ECE1: variants seen among roughly 807,000 people sequenced by gnomAD.
ECE1 encodes the protein endothelin converting enzyme 1, also known as endothelin-converting enzyme 1.
ECE1 carries 35 observed loss-of-function variants against 98.6 expected under a neutral mutation model. The observed-to-expected ratio is 0.35, with a 90% confidence interval of 0.27 to 0.47. The LOEUF (loss-of-function observed/expected upper bound fraction) is 0.47, where lower values mean the gene tolerates loss of function less well. ECE1 is among the 20% of genes least tolerant of loss of function. The pLI, the probability that ECE1 is intolerant of heterozygous loss-of-function variation, is 1.00. For synonymous variants in ECE1, 394 were observed against 407.1 expected, an observed-to-expected ratio of 0.97 and a Z score of 0.39; for missense variants, 814 against 1,025.3, an observed-to-expected ratio of 0.79 and a Z score of 2.81.
chr1:21,277,988 G>A lies in ECE1; in HGVS notation c.280+1203C>T, dbSNP rs759535075. On this transcript the variant is annotated intron_variant, in intron 3 of 18. Coordinates refer to ENST00000374893, the MANE Select transcript of ECE1 (RefSeq NM_001397.3). The stretch of plus-strand genomic sequence containing the variant: ...AGTCCCCTCCCCACCCCAGCGCAGC[G>A]TGGCCACCCTCACAGACCAGCAACT... Among the ~76,000 whole-genome samples, 4 of 152,104 alleles carry A rather than the reference G, an allele frequency of 2.6e-5. 1 individual carries two copies. Among genetic ancestry groups the A allele is most frequent in the Non-Finnish European group, 5.9e-5 (4 of 68,014 alleles).
At chr1:21,255,286 G>A (rs1016556428) in intron 8 of ECE1, among the ~76,000 whole-genome samples, 1 of 152,220 alleles carries the variant, frequency 6.6e-6, no homozygotes, top group Non-Finnish European at 1.5e-5. Flanking sequence ...AAGATCGGTG[G>A]TGGCCATTCT....
At chr1:21,236,458 T>C (rs2098188219) in intron 12 of ECE1, among the ~76,000 whole-genome samples, 1 of 152,236 alleles carries the variant, frequency 6.6e-6, no homozygotes, top group Non-Finnish European at 1.5e-5. Context: ...GAGACCAACC[T>C]GACCCACATG....
At chr1:21,333,493 G>A (rs1298301837) in intron 1 of ECE1, among the ~76,000 whole-genome samples, 1 of 152,208 alleles carries the variant, frequency 6.6e-6, no homozygotes, top group African/African-American at 2.4e-5. Context: ...CATATGTGAG[G>A]GCCAGCACGC....
intron 2 of ECE1, among the ~76,000 whole-genome samples, chr1:21,285,009 T>C (rs2098259025): frequency 6.6e-6 from 1 of 152,128 alleles, no homozygotes; most frequent in Non-Finnish European, 1.5e-5. Flanking sequence ...AAAGTCAGTT[T>C]GGGGAAGTTT....
upstream of ECE1, among the ~76,000 whole-genome samples, chr1:21,290,784 G>A (rs1402655338): frequency 1.3e-5 from 2 of 152,196 alleles, no homozygotes; most frequent in African/African-American, 4.8e-5. This position sits in a 1 kb window ranked among gnomAD's most constrained non-coding sequence, Gnocchi z 7.3. Context: ...GGTTCCCCCC[G>A]GCATCAGCCC....
intron 10 of ECE1, among the ~76,000 whole-genome samples, chr1:21,244,020 T>C (rs370658088): frequency 2.0e-5 from 3 of 152,306 alleles, no homozygotes; most frequent in East Asian, 3.9e-4. Context: ...GCCCACATCC[T>C]GCCATTCTCT....
At chr1:21,259,947 G>T (rs1189778468) in intron 5 of ECE1, among the ~76,000 whole-genome samples, 7 of 152,116 alleles carry the variant, frequency 4.6e-5, no homozygotes, top group Non-Finnish European at 1.0e-4. Context: ...GCAACGTGGA[G>T]GAATATTTTC....
At chr1:21,276,680 CTTTCT>C (rs1275434305) in intron 3 of ECE1, among the ~76,000 whole-genome samples, 4 of 143,908 alleles carry the variant, frequency 2.8e-5, no homozygotes, top group South Asian at 2.2e-4. Flanking sequence ...ATCAGATTTG[CTTTCT>C]TTTTTTTTTT....
chr1:21,232,389 C>T, intron 14 of ECE1, among the ~76,000 whole-genome samples: 1 of 151,834 alleles, frequency 6.6e-6, no homozygotes, highest in East Asian at 1.9e-4. Context: ...GCTTCGACCT[C>T]CTGGGCTCTA....
At chr1:21,333,658 C>T (rs1296119021) in intron 1 of ECE1, among the ~76,000 whole-genome samples, 3 of 152,146 alleles carry the variant, frequency 2.0e-5, no homozygotes, top group Non-Finnish European at 4.4e-5. Context: ...CATGGTGAAA[C>T]CCCGTCTCTA....
At chr1:21,311,172 C>A (rs1638714905) in intron 1 of ECE1, among the ~76,000 whole-genome samples, 1 of 152,182 alleles carries the variant, frequency 6.6e-6, no homozygotes, top group South Asian at 2.1e-4. Context: ...CAGAGTGGGG[C>A]TCCCTGGCCA....
chr1:21,273,447 G>A (rs946328145), intron 3 of ECE1, among the ~76,000 whole-genome samples: 2 of 151,842 alleles, frequency 1.3e-5, no homozygotes, highest in Non-Finnish European at 2.9e-5. Flanking sequence ...CAATTCAGTT[G>A]GGGATATACA....
chr1:21,243,821 C>T (rs902255819), intron 10 of ECE1, among the ~76,000 whole-genome samples: 9 of 152,234 alleles, frequency 5.9e-5, no homozygotes, highest in South Asian at 2.1e-4. Flanking sequence ...CCACTGCTCC[C>T]GCTTTGTCCT....
intron 4 of ECE1, among the ~76,000 whole-genome samples, chr1:21,272,289 GCTC>G (rs1381266433): frequency 6.6e-6 from 1 of 152,080 alleles, no homozygotes; most frequent in Non-Finnish European, 1.5e-5. Context: ...ATTCTGCCAG[GCTC>G]CTCTTTTCTT....
intron 14 of ECE1, among the ~76,000 whole-genome samples, chr1:21,232,403 A>T (rs2098182966): frequency 6.6e-6 from 1 of 151,218 alleles, no homozygotes; most frequent in Non-Finnish European, 1.5e-5. Flanking sequence ...GGCTCTAGTG[A>T]TCCTCCCACC....
chr1:21,344,180 G>T (rs553009404), intron 1 of ECE1, among the ~76,000 whole-genome samples: 2 of 152,262 alleles, frequency 1.3e-5, no homozygotes, highest in East Asian at 3.9e-4. Flanking sequence ...AGATGGGGGG[G>T]CGGGTTGTAA....
Position 21,258,942 on chromosome 1 carries a change from G to T in ECE1, c.616-103C>A. ...CTTGCTCTGTGACCCTGGAGCAGTCGCCTGACCTCTCTGAGCCTCAAGAGC... is the reference window on the plus strand; with the variant it reads ...CTTGCTCTGTGACCCTGGAGCAGTCTCCTGACCTCTCTGAGCCTCAAGAGC... On this transcript the variant is annotated intron_variant, in intron 5 of 18. Transcript: ENST00000374893. This position sits in a 1 kb window ranked among gnomAD's most constrained non-coding sequence, Gnocchi z 4.2. The T allele has an allele frequency of 6.7e-7, 1 of 1,483,090 alleles. No individual in the cohort carries two copies. The highest frequency in any genetic ancestry group is 9.2e-7 in the Non-Finnish European group (1 of 1,087,810). 91.9% of individuals were successfully genotyped at this position (1,483,090 alleles called of 1,614,324 possible).
At chr1:21,278,474 G>A (rs544203231) in intron 3 of ECE1, among the ~76,000 whole-genome samples, 29 of 152,232 alleles carry the variant, frequency 1.9e-4, no homozygotes, top group Admixed American at 5.2e-4. Context: ...GCTCTGGAGC[G>A]TACTTGGATT....
intron 2 of ECE1, among the ~76,000 whole-genome samples, chr1:21,281,630 T>G (rs2098254668): frequency 6.6e-6 from 1 of 152,192 alleles, no homozygotes; most frequent in Non-Finnish European, 1.5e-5. Flanking sequence ...TTTAGGCTTC[T>G]CATGTCCCCA....
Sources: allele counts gnomAD v4.1 joint callset (sites outside exome capture counted in the v4.1 genomes callset), GRCh38; gene constraint gnomAD v4.1.1; non-coding constraint Gnocchi (gnomAD v3.1); transcripts MANE v1.5; gene names NCBI Gene and HGNC (gene_info 2026-07-23, HGNC 2026-07-21).